Variants in CEP128 observed in about 807,000 individuals in gnomAD.
The protein encoded by CEP128 is centrosomal protein 128, also known as centrosomal protein 128kDa.
In CEP128, 132 loss-of-function variants were observed where a neutral mutation model predicts 156.7. That is an observed-to-expected ratio of 0.84 (90% CI 0.73 to 0.97). CEP128 has a LOEUF of 0.97. Ranked by LOEUF, CEP128 falls within the 50% of genes least tolerant of loss-of-function variation. CEP128 has a pLI of 0.00. For missense variants in CEP128, 1,252 were observed against 1,281.9 expected (o/e 0.98, Z 0.36); for synonymous variants, 469 against 448.9 (o/e 1.04, Z -0.57).
intron 4 of CEP128, among the ~76,000 whole-genome samples, chr14:80,910,380 G>A (rs1884136976): frequency 6.6e-6 from 1 of 152,158 alleles, no homozygotes; most frequent in African/African-American, 2.4e-5. Flanking sequence ...GGATCATGGG[G>A]GCAGAGTTCT....
At chr14:80,584,863 C>T (rs978979752) in intron 19 of CEP128, among the ~76,000 whole-genome samples, 4 of 151,980 alleles carry the variant, frequency 2.6e-5, no homozygotes, top group Non-Finnish European at 4.4e-5. Flanking sequence ...GTCTGCTCTA[C>T]TCTTCTTATC....
intron 12 of CEP128, among the ~76,000 whole-genome samples, chr14:80,835,041 T>C (rs1886003674): frequency 6.6e-6 from 1 of 152,134 alleles, no homozygotes; most frequent in Admixed American, 6.6e-5. Flanking sequence ...GTTCTTGCTC[T>C]CCTGAGGCTG....
At chr14:80,562,116 C>T (rs1223274353) in intron 20 of CEP128, among the ~76,000 whole-genome samples, 2 of 151,732 alleles carry the variant, frequency 1.3e-5, no homozygotes, top group Non-Finnish European at 2.9e-5. Context: ...TTAGTAGAGA[C>T]GGGGTTTCAC....
intron 18 of CEP128, among the ~76,000 whole-genome samples, chr14:80,748,250 A>G (rs191215257): frequency 1.3e-5 from 2 of 152,306 alleles, no homozygotes; most frequent in Admixed American, 6.5e-5. Context: ...TCGCTTCTCA[A>G]TACTCCCTTT....
intron 21 of CEP128, among the ~76,000 whole-genome samples, chr14:80,537,133 C>A (rs1459501647): frequency 6.6e-6 from 1 of 152,042 alleles, no homozygotes; most frequent in African/African-American, 2.4e-5. Flanking sequence ...AACTGAGATA[C>A]AGAAGGCTTT....
At chr14:80,949,209 T>C (rs770393831) in intron 2 of CEP128, among the ~76,000 whole-genome samples, 24 of 152,258 alleles carry the variant, frequency 1.6e-4, no homozygotes, top group Non-Finnish European at 3.2e-4. Flanking sequence ...AGCCTTATGA[T>C]TGCCACAACT....
intron 2 of CEP128, among the ~76,000 whole-genome samples, chr14:80,931,698 C>A (rs1033200544): frequency 3.3e-5 from 5 of 152,194 alleles, no homozygotes; most frequent in African/African-American, 1.2e-4. Context: ...CCTGTCACTT[C>A]ACGGGAAAAC....
At chr14:80,893,734 A>C (rs4903946) in intron 8 of CEP128, among the ~76,000 whole-genome samples, 1 of 151,562 alleles carries the variant, frequency 6.6e-6, no homozygotes, top group African/African-American at 2.4e-5. Flanking sequence ...GGGGTGATGG[A>C]TGTGTCCTTA....
At chr14:80,574,914 C>G (rs866477703) in intron 20 of CEP128, among the ~76,000 whole-genome samples, 1 of 152,032 alleles carries the variant, frequency 6.6e-6, no homozygotes, top group Middle Eastern at 3.2e-3. Context: ...AGATTCCAGA[C>G]TATTTTTCAA....
intron 19 of CEP128, among the ~76,000 whole-genome samples, chr14:80,631,501 T>C (rs1893957703): frequency 6.6e-6 from 1 of 152,070 alleles, no homozygotes; most frequent in African/African-American, 2.4e-5. Context: ...ACCATTAATA[T>C]GCTTATTTCC....
intron 2 of CEP128, chr14:80,955,840 A>C (rs1198983165): frequency 1.2e-6 from 2 of 1,614,224 alleles, no homozygotes; most frequent in Non-Finnish European, 1.7e-6. Flanking sequence ...ACCGCCCAGT[A>C]CGCAGACTCT....
intron 19 of CEP128, among the ~76,000 whole-genome samples, chr14:80,643,333 T>C (rs1315183539): frequency 6.6e-6 from 1 of 152,078 alleles, no homozygotes. Context: ...CCATCAATAA[T>C]GGAGGCCAGC....
At chr14:80,494,734 G>GC (rs1297186462), downstream of CEP128, among the ~76,000 whole-genome samples, 8 of 152,136 alleles carry the variant, frequency 5.3e-5, no homozygotes, top group Non-Finnish European at 1.5e-5. Context: ...AAGTAGGTAG[G>GC]CATTTTTTAT....
intron 8 of CEP128, among the ~76,000 whole-genome samples, chr14:80,876,251 CAAA>C (rs568011333): frequency 4.6e-4 from 69 of 151,612 alleles, no homozygotes; most frequent in South Asian, 1.0e-3. Flanking sequence ...AAAACAAAGA[CAAA>C]GAAGAAAAAC....
chr14:80,538,981 T>C (rs1186006094), intron 21 of CEP128, among the ~76,000 whole-genome samples: 1 of 152,180 alleles, frequency 6.6e-6, no homozygotes, highest in African/African-American at 2.4e-5. Flanking sequence ...GGAATATATG[T>C]CCCCAGCATT....
intron 16 of CEP128, among the ~76,000 whole-genome samples, chr14:80,773,610 C>A (rs1304866352): frequency 6.6e-6 from 1 of 152,072 alleles, no homozygotes; most frequent in Non-Finnish European, 1.5e-5. Flanking sequence ...ACATAGGGTG[C>A]AGATCCATAT....
intron 12 of CEP128, among the ~76,000 whole-genome samples, chr14:80,834,555 A>G (rs1279453910): frequency 1.3e-5 from 2 of 152,188 alleles, no homozygotes; most frequent in Non-Finnish European, 2.9e-5. Flanking sequence ...TACAATTGTT[A>G]AACGGTGAAG....
At chr14:80,917,307 C>T (rs542868437) in intron 2 of CEP128, among the ~76,000 whole-genome samples, 15 of 152,072 alleles carry the variant, frequency 9.9e-5, no homozygotes, top group Middle Eastern at 3.4e-3. Flanking sequence ...TTTCAGGAAA[C>T]CTTTTAATAG....
At chr14:80,505,578 T>C (rs762248353) in intron 23 of CEP128, among the ~76,000 whole-genome samples, 4 of 152,240 alleles carry the variant, frequency 2.6e-5, no homozygotes, top group African/African-American at 4.8e-5. Context: ...GCTAGACTGC[T>C]TTCTAGATTA....
Sources: gnomAD v4.1 joint callset for allele counts (sites outside exome capture counted in the v4.1 genomes callset) on GRCh38, gnomAD v4.1.1 for gene constraint, MANE v1.5 for transcripts, NCBI Gene and HGNC (gene_info 2026-07-23, HGNC 2026-07-21) for gene names.